Variants in NR1H4 observed in about 807,000 individuals in gnomAD.
The protein encoded by NR1H4 is nuclear receptor subfamily 1 group H member 4.
In NR1H4, 23 loss-of-function variants were observed where a neutral mutation model predicts 58.5. That is an observed-to-expected ratio of 0.39 (90% CI 0.28 to 0.56). The LOEUF is 0.56. NR1H4 is among the 20% of genes least tolerant of loss of function. The probability of loss-of-function intolerance (pLI) is 0.58; values close to 1 mark genes in which losing one functional copy is unlikely to be tolerated. For synonymous variants in NR1H4, 214 were observed against 198.0 expected, an observed-to-expected ratio of 1.08 and a Z score of -0.68; for missense variants, 487 against 576.9, an observed-to-expected ratio of 0.84 and a Z score of 1.60.
intron 4 of NR1H4, among the ~76,000 whole-genome samples, chr12:100,521,891 T>A (rs3789984): frequency 0.03 from 4,514 of 152,246 alleles, 165 homozygotes; most frequent in East Asian, 0.19. Flanking sequence ...TCTTGGAGTA[T>A]GATGCAAGAT....
intron 4 of NR1H4, among the ~76,000 whole-genome samples, chr12:100,517,062 A>T (rs1566450195): frequency 6.6e-6 from 1 of 152,160 alleles, no homozygotes; most frequent in Non-Finnish European, 1.5e-5. Context: ...TCTTCTAGTT[A>T]TTTTGAAATA....
At chr12:100,516,125 A>G (rs1954258930) in intron 4 of NR1H4, among the ~76,000 whole-genome samples, 1 of 152,210 alleles carries the variant, frequency 6.6e-6, no homozygotes, top group African/African-American at 2.4e-5. Flanking sequence ...AACCCACAGG[A>G]TGGGAAAAGA....
chr12:100,551,586 T>A (rs534375074), intron 9 of NR1H4, among the ~76,000 whole-genome samples: 26 of 152,368 alleles, frequency 1.7e-4, no homozygotes, highest in Non-Finnish European at 3.7e-4. Flanking sequence ...AGGACTCAAA[T>A]TATAGGAAGA....
intron 3 of NR1H4, chr12:100,505,745 A>T: frequency 1.8e-6 from 1 of 563,292 alleles, no homozygotes. Flanking sequence ...TCCCTTTTAA[A>T]TTGTATCAAA....
At chr12:100,539,939 C>A (rs911600310) in intron 8 of NR1H4, among the ~76,000 whole-genome samples, 4 of 152,114 alleles carry the variant, frequency 2.6e-5, no homozygotes, top group African/African-American at 9.7e-5. Flanking sequence ...CTGGGAAGAA[C>A]ATTAATCTCT....
At chr12:100,562,664 T>C (rs1955502483) in intron 10 of NR1H4, among the ~76,000 whole-genome samples, 1 of 152,234 alleles carries the variant, frequency 6.6e-6, no homozygotes, top group Non-Finnish European at 1.5e-5. Context: ...TTTTTTGATG[T>C]TGAAAATGTT....
At chr12:100,547,084 C>T (rs1448072875) in intron 9 of NR1H4, among the ~76,000 whole-genome samples, 1 of 152,124 alleles carries the variant, frequency 6.6e-6, no homozygotes, top group African/African-American at 2.4e-5. Flanking sequence ...TTGTCTTGTA[C>T]CTTCTCTTTC....
chr12:100,506,002 AACACACACACAC>A (rs398020830), intron 3 of NR1H4, among the ~76,000 whole-genome samples: 25 of 141,132 alleles, frequency 1.8e-4, no homozygotes, highest in South Asian at 7.1e-4. Context: ...AAGTGTTTAT[AACACACACACAC>A]ACACACACAC....
chr12:100,509,057 G>T (rs959794312), intron 3 of NR1H4, among the ~76,000 whole-genome samples: 15 of 152,144 alleles, frequency 9.9e-5, no homozygotes, highest in African/African-American at 3.6e-4. Context: ...ACATACGACT[G>T]CCAGGGTTTC....
At chr12:100,554,535 C>CT (rs1475456978) in intron 9 of NR1H4, among the ~76,000 whole-genome samples, 2 of 152,116 alleles carry the variant, frequency 1.3e-5, no homozygotes, top group Non-Finnish European at 2.9e-5. Context: ...AATGGTTATT[C>CT]TCTCAAAGAA....
intron 4 of NR1H4, among the ~76,000 whole-genome samples, chr12:100,516,613 G>T (rs565343830): frequency 2.0e-5 from 3 of 152,022 alleles, no homozygotes; most frequent in Non-Finnish European, 4.4e-5. Context: ...TGATCCGCCC[G>T]CCTCGGCCTC....
At chr12:100,552,300 T>G (rs1051825141) in intron 9 of NR1H4, among the ~76,000 whole-genome samples, 2 of 152,238 alleles carry the variant, frequency 1.3e-5, no homozygotes, top group African/African-American at 4.8e-5. Flanking sequence ...ATGTATTATA[T>G]ATTTTAAATT....
At chr12:100,556,982 G>T (rs1220950419) in intron 9 of NR1H4, among the ~76,000 whole-genome samples, 1 of 152,144 alleles carries the variant, frequency 6.6e-6, no homozygotes, top group Non-Finnish European at 1.5e-5. Flanking sequence ...GTCCATGCAT[G>T]TTAGAAGTAA....
chr12:100,508,913 T>C lies in NR1H4; in HGVS notation c.80-1865T>C, dbSNP rs189110500. ...TGGTCTTTACTTATTGCACTTGCTGTGAATATTCATACGTTTCCCTGTGGA... is the reference window on the plus strand; with the variant it reads ...TGGTCTTTACTTATTGCACTTGCTGCGAATATTCATACGTTTCCCTGTGGA... On this transcript the variant is annotated intron_variant, in intron 3 of 10. Coordinates refer to ENST00000392986, the MANE Select transcript of NR1H4 (RefSeq NM_001206979.2). 4.7e-3 allele frequency among the ~76,000 whole-genome samples: 719 copies of C among 152,322 alleles called. 4 individuals carry two copies. The highest frequency in any genetic ancestry group is 0.019 in the South Asian group (94 of 4,828).
At chr12:100,491,609 A>G (rs1363507572) in intron 1 of NR1H4, among the ~76,000 whole-genome samples, 3 of 151,262 alleles carry the variant, frequency 2.0e-5, no homozygotes, top group Non-Finnish European at 2.9e-5. Context: ...CTAGCTCTCT[A>G]TGAGTTTAGA....
At chr12:100,478,976 T>G (rs1953326022) in intron 1 of NR1H4, among the ~76,000 whole-genome samples, 2 of 152,228 alleles carry the variant, frequency 1.3e-5, no homozygotes, top group African/African-American at 4.8e-5. Context: ...ATTTTCCTAA[T>G]TATTATTAGT....
chr12:100,518,222 G>A (rs1209480388), intron 4 of NR1H4, among the ~76,000 whole-genome samples: 2 of 152,144 alleles, frequency 1.3e-5, no homozygotes, highest in Admixed American at 6.5e-5. Context: ...GAGACCAGTG[G>A]GCCAAGGACA....
intron 9 of NR1H4, among the ~76,000 whole-genome samples, chr12:100,553,059 A>T (rs1019966151): frequency 6.6e-6 from 1 of 151,892 alleles, no homozygotes; most frequent in African/African-American, 2.4e-5. Flanking sequence ...AGTGCAGTGC[A>T]GCGATCTTAG....
chr12:100,495,898 G>C (rs1439359513), intron 3 of NR1H4, among the ~76,000 whole-genome samples: 1 of 152,102 alleles, frequency 6.6e-6, no homozygotes, highest in East Asian at 1.9e-4. Flanking sequence ...CCAGGGAAAA[G>C]ACTGGCCCAT....
Sources: allele counts gnomAD v4.1 joint callset (sites outside exome capture counted in the v4.1 genomes callset), GRCh38; gene constraint gnomAD v4.1.1; transcripts MANE v1.5; gene names NCBI Gene and HGNC (gene_info 2026-07-23, HGNC 2026-07-21).